PHF20: variants seen among roughly 807,000 people sequenced by gnomAD.
PHF20 encodes PHD finger protein 20, also known as glioma-expressed antigen 2.
In PHF20, 23 loss-of-function variants were observed where a neutral mutation model predicts 113.5. That is an observed-to-expected ratio of 0.20 (90% CI 0.15 to 0.29). The LOEUF (loss-of-function observed/expected upper bound fraction) is 0.29, where lower values mean the gene tolerates loss of function less well. PHF20 is among the 10% of genes least tolerant of loss of function. The pLI is 1.00. For missense variants in PHF20, 943 were observed against 1,219.6 expected, an observed-to-expected ratio of 0.77 and a Z score of 3.38; for synonymous variants, 434 against 457.3, an observed-to-expected ratio of 0.95 and a Z score of 0.65.
chr20:35,882,198 G>A (rs573334555), intron 9 of PHF20, among the ~76,000 whole-genome samples: 1 of 152,262 alleles, frequency 6.6e-6, no homozygotes, highest in Admixed American at 6.5e-5. Flanking sequence ...GGTTTGGCCA[G>A]ACAGTGTACC....
chr20:35,944,365 G>A (rs965913798), intron 17 of PHF20, among the ~76,000 whole-genome samples: 1 of 152,098 alleles, frequency 6.6e-6, no homozygotes, highest in Non-Finnish European at 1.5e-5. Flanking sequence ...GCGTTGGTGC[G>A]CTTTCACACT....
chr20:35,847,179 A>G (rs997381586), intron 3 of PHF20, among the ~76,000 whole-genome samples, 171 bp from the exon 4 acceptor site: 1 of 152,174 alleles, frequency 6.6e-6, no homozygotes, highest in Non-Finnish European at 1.5e-5. Context: ...CACCGAAATT[A>G]TAGCAACTCC....
chr20:35,827,565 A>G (rs2042282511), intron 2 of PHF20, among the ~76,000 whole-genome samples: 1 of 151,922 alleles, frequency 6.6e-6, no homozygotes, highest in African/African-American at 2.4e-5. Flanking sequence ...TGGGTGGATC[A>G]TGAGGTCAGG....
At chr20:35,901,272 A>G (rs1187132895) in intron 10 of PHF20, among the ~76,000 whole-genome samples, 4 of 151,832 alleles carry the variant, frequency 2.6e-5, no homozygotes, top group Admixed American at 2.0e-4. Flanking sequence ...AAAATTAGCC[A>G]GGCGTGGTGG....
At chr20:35,817,834 G>T (rs1217523581) in intron 2 of PHF20, among the ~76,000 whole-genome samples, 1 of 151,880 alleles carries the variant, frequency 6.6e-6, no homozygotes, top group African/African-American at 2.4e-5. Context: ...TTGGCCAGGT[G>T]TTGTGGCTTA....
At chr20:35,893,636 CAG>C (rs2054919964) in intron 9 of PHF20, among the ~76,000 whole-genome samples, 2 of 151,394 alleles carry the variant, frequency 1.3e-5, no homozygotes, top group Admixed American at 6.6e-5. Context: ...TGTTTTCAGA[CAG>C]AGTTTGGCTC....
At chr20:35,911,752 C>T (rs997736906) in intron 10 of PHF20, among the ~76,000 whole-genome samples, 5 of 150,946 alleles carry the variant, frequency 3.3e-5, no homozygotes, top group Admixed American at 6.6e-5. Flanking sequence ...TCCGCCTCCC[C>T]GATTCGAGCA....
At chr20:35,804,878 AT>A (rs899537448) in intron 2 of PHF20, among the ~76,000 whole-genome samples, 1 of 151,866 alleles carries the variant, frequency 6.6e-6, no homozygotes, top group Non-Finnish European at 1.5e-5. Context: ...ATAAAAATTT[AT>A]TTTTATTTTG....
intron 6 of PHF20, among the ~76,000 whole-genome samples, chr20:35,863,905 A>G (rs1444220435): frequency 6.6e-6 from 1 of 152,236 alleles, no homozygotes; most frequent in Non-Finnish European, 1.5e-5. Context: ...AGAAATTTTC[A>G]CAGTCTAAAT....
chr20:35,838,993 CA>C (rs796705349), intron 2 of PHF20, among the ~76,000 whole-genome samples: 1,974 of 86,176 alleles, frequency 0.023, 16 homozygotes, highest in East Asian at 0.069. Flanking sequence ...GACCCTGTCT[CA>C]AAAAAAAAAA....
chr20:35,895,979 G>T lies in PHF20; in HGVS notation c.1283-3391G>T, dbSNP rs113456418. 2.6e-5 allele frequency among the ~76,000 whole-genome samples: 4 copies of T among 151,958 alleles called. No individual in the cohort carries two copies. In the East Asian group the frequency reaches 5.8e-4, roughly 22 times the overall value. On this transcript the variant is annotated intron_variant, in intron 9 of 17. Transcript: ENST00000374012. ...TAGGATTACAGGCGTGAGCCATCGC[G>T]CCTGGCCAACTTTTTCTTCTCTTAC...
chr20:35,879,588 T>C (rs1240093348), intron 9 of PHF20, among the ~76,000 whole-genome samples: 2 of 152,108 alleles, frequency 1.3e-5, no homozygotes, highest in African/African-American at 2.4e-5. Flanking sequence ...CCAGACAGTG[T>C]ACCCAAACTT....
chr20:35,874,961 ATGATGGT>A (rs2054491999), intron 9 of PHF20, among the ~76,000 whole-genome samples: 3 of 152,196 alleles, frequency 2.0e-5, no homozygotes, highest in Non-Finnish European at 4.4e-5. Context: ...TTAGCCTGGC[ATGATGGT>A]TCATGCCTAT....
intron 6 of PHF20, among the ~76,000 whole-genome samples, chr20:35,867,932 T>G (rs538937090): frequency 6.6e-4 from 101 of 152,282 alleles, no homozygotes; most frequent in Non-Finnish European, 1.2e-3. Flanking sequence ...AGTTTCTTTC[T>G]TCTGCCTGCC....
intron 2 of PHF20, among the ~76,000 whole-genome samples, chr20:35,808,491 G>A (rs2041922360): frequency 6.6e-6 from 1 of 151,644 alleles, no homozygotes; most frequent in Admixed American, 6.6e-5. Context: ...TTTTCAGCCT[G>A]AGTAATGTTG....
chr20:35,777,152 A>G (rs2041191025), intron 1 of PHF20, among the ~76,000 whole-genome samples: 1 of 152,180 alleles, frequency 6.6e-6, no homozygotes, highest in East Asian at 1.9e-4. Flanking sequence ...TGAGTTCTCC[A>G]TTCAATGTTT....
At chr20:35,846,966 A>C (rs1015894086) in intron 3 of PHF20, among the ~76,000 whole-genome samples, 1 of 152,132 alleles carries the variant, frequency 6.6e-6, no homozygotes, top group African/African-American at 2.4e-5. Context: ...GTGTGAAGAG[A>C]GGGACCAAAC....
At chr20:35,783,940 G>T (rs1460933118) in intron 1 of PHF20, among the ~76,000 whole-genome samples, 1 of 151,938 alleles carries the variant, frequency 6.6e-6, no homozygotes, top group Non-Finnish European at 1.5e-5. Flanking sequence ...AGCCGAGATC[G>T]TGCCATTGCA....
chr20:35,929,688 C>G (rs1418261061), intron 14 of PHF20, among the ~76,000 whole-genome samples: 4 of 152,240 alleles, frequency 2.6e-5, no homozygotes, highest in African/African-American at 9.6e-5. Context: ...GTCACACACA[C>G]CATCTTCATC....
Sources: allele counts gnomAD v4.1 joint callset (sites outside exome capture counted in the v4.1 genomes callset), GRCh38; gene constraint gnomAD v4.1.1; transcripts MANE v1.5; gene names NCBI Gene and HGNC (gene_info 2026-07-23, HGNC 2026-07-21).